PKHD1L1: variants seen among roughly 807,000 people sequenced by gnomAD.
The protein encoded by PKHD1L1 is PKHD1 like 1.
In PKHD1L1, 434 loss-of-function variants were observed where a neutral mutation model predicts 462.9. The observed-to-expected ratio is 0.94, with a 90% CI of 0.87 to 1.02. The LOEUF (loss-of-function observed/expected upper bound fraction) is 1.02, where lower values mean the gene tolerates loss of function less well. Among genes scored for constraint, PKHD1L1 ranks in the 50% least tolerant of loss-of-function variants. The pLI is 0.00. For synonymous variants in PKHD1L1, 1,781 were observed against 1,750.0 expected (o/e 1.02, Z -0.44); for missense variants, 5,202 against 5,096.1 (o/e 1.02, Z -0.63).
intron 2 of PKHD1L1, among the ~76,000 whole-genome samples, chr8:109,369,097 G>T (rs547937849): frequency 1.4e-4 from 22 of 152,008 alleles, no homozygotes; most frequent in Non-Finnish European, 7.4e-5. Flanking sequence ...TCCTGCCTCA[G>T]CCTCCCAAGT....
At chr8:109,491,244 A>G (rs1818810203) in intron 61 of PKHD1L1, 143 bp downstream of exon 61, 1 of 842,636 alleles carries the variant, frequency 1.2e-6, no homozygotes, top group Non-Finnish European at 1.7e-6. Flanking sequence ...GTAATTACTA[A>G]GTCATATGTG....
At chr8:109,508,559 A>G (rs1262156349) in intron 70 of PKHD1L1, among the ~76,000 whole-genome samples, 2 of 152,038 alleles carry the variant, frequency 1.3e-5, no homozygotes, top group African/African-American at 4.8e-5. Flanking sequence ...TGATCTTCAT[A>G]CTTTATTGAT....
rs145952732 is a variant in PKHD1L1 at position 109,448,073 on chromosome 8, G to T, written c.5777-70G>T. 3.1e-4 allele frequency: 406 copies of T among 1,298,580 alleles called. 5 individuals carry two copies. In the East Asian group the frequency reaches 8.9e-3, roughly 29 times the overall value. 80.4% of individuals were successfully genotyped at this position (1,298,580 alleles called of 1,614,324 possible). A position where few individuals can be genotyped will look rare whatever the true frequency, so the allele number is the denominator to read the frequency against. ...ATTCTTTTATTTGTAAAAGTAAAGA[G>T]GTATATCTTTAAATGGATGTGTATT... On this transcript the variant is annotated intron_variant, in intron 38 of 77. Transcript: ENST00000378402.
At chr8:109,407,969 A>G in intron 17 of PKHD1L1, 80 bp from the exon 18 acceptor site, 1 of 940,028 alleles carries the variant, frequency 1.1e-6, no homozygotes, top group Non-Finnish European at 1.4e-6. Context: ...TGTCTATTAA[A>G]TATATATAAA....
chr8:109,498,793 A>G, intron 67 of PKHD1L1, 22 bp downstream of exon 67: 1 of 1,524,630 alleles, frequency 6.6e-7, no homozygotes, highest in African/African-American at 1.4e-5. Context: ...GTCTTTTACA[A>G]ATCTTCTCAA....
intron 66 of PKHD1L1, 33 bp downstream of exon 66, chr8:109,498,606 A>G (rs1233373408): frequency 1.9e-6 from 3 of 1,608,748 alleles, no homozygotes; most frequent in East Asian, 4.5e-5. Context: ...GTTGTTGTTC[A>G]TATGAGTGCA....
rs1816691994 is a variant in PKHD1L1, at chr8:109,454,210, A to G, written c.6708A>G (p.Ala2236=). 1.2e-6 allele frequency: 2 copies of G among 1,608,752 alleles called. No homozygotes were observed. Among genetic ancestry groups the G allele is most frequent in the Non-Finnish European group, 1.7e-6 (2 of 1,177,286 alleles). Residue 2236 remains alanine (A), a synonymous_variant, in exon 44 of 78, where the codon GCA becomes GCG. Coordinates refer to ENST00000378402, the MANE Select transcript of PKHD1L1 (RefSeq NM_177531.6). The part of the protein sequence containing the change: ...IFDEADIELQ[A]ENILITDGGV... Reference sequence around the variant, plus strand: ...ATGAAGCTGACATTGAACTCCAGGCAGAAAATATTCTAATTACAGATGGAG... The same window carrying G: ...ATGAAGCTGACATTGAACTCCAGGCGGAAAATATTCTAATTACAGATGGAG...
intron 55 of PKHD1L1, 116 bp downstream of exon 55, chr8:109,480,255 T>C (rs978590725): frequency 9.1e-7 from 1 of 1,098,964 alleles, no homozygotes; most frequent in Admixed American, 3.0e-5. Flanking sequence ...CACAACTGGC[T>C]CTATCCCATT....
chr8:109,396,479 G>A (rs1362427981), intron 11 of PKHD1L1, among the ~76,000 whole-genome samples: 1 of 152,114 alleles, frequency 6.6e-6, no homozygotes. Context: ...TTTTTGAATG[G>A]TTGTTATTTC....
At position 109,475,174 on chromosome 8, in the gene PKHD1L1, G is replaced by T. The variant is rs1427204813; in HGVS notation, c.8662G>T (p.Ala2888Ser). Residue 2888 changes from alanine to serine, a missense_variant, in exon 51 of 78, where the codon GCT becomes TCT. Ala to Ser is a moderately conservative substitution (Grantham distance 99). Transcript: ENST00000378402. ...KRLTHMSGWM[A>S]LIPNANHINW... ...ACTGACTCATATGTCTGGATGGATG[G>T]CTCTGATTCCAAATGCAAATCACAT... 6.2e-7 allele frequency: 1 copy of T among 1,612,692 alleles called. No individual in the cohort carries two copies. Among genetic ancestry groups the T allele is most frequent in the African/African-American group, 1.3e-5 (1 of 74,986 alleles).
At position 109,400,070 on chromosome 8, in the gene PKHD1L1, A is replaced by C; in HGVS notation, c.1013-6A>C. The C allele has an allele frequency of 6.2e-7, 1 of 1,606,326 alleles. No homozygotes were observed. ...TGAAAGTCTTATTTTATTTCATTACACTTAGGAGGGAGAGGCCTGAAGCTT... is the reference window on the plus strand; with the variant it reads ...TGAAAGTCTTATTTTATTTCATTACCCTTAGGAGGGAGAGGCCTGAAGCTT... On this transcript the variant is annotated splice_region_variant and splice_polypyrimidine_tract_variant and intron_variant, in intron 12 of 77. Transcript: ENST00000378402.
At chr8:109,437,688 T>C (rs1335190262) in intron 30 of PKHD1L1, among the ~76,000 whole-genome samples, 5 of 152,040 alleles carry the variant, frequency 3.3e-5, no homozygotes, top group Non-Finnish European at 4.4e-5. Flanking sequence ...AATAAATTTG[T>C]TTTTTGGACC....
intron 46 of PKHD1L1, among the ~76,000 whole-genome samples, chr8:109,456,971 C>T (rs1816860053): frequency 6.6e-6 from 1 of 152,118 alleles, no homozygotes; most frequent in African/African-American, 2.4e-5. Context: ...ACCGAAACTA[C>T]TTATGACCCT....
chr8:109,404,697 T>C lies in PKHD1L1; in HGVS notation c.1517T>C (p.Ile506Thr), dbSNP rs1813441845. The C allele has an allele frequency of 1.9e-6, 3 of 1,604,160 alleles. No individual in the cohort carries two copies. Among genetic ancestry groups the C allele is most frequent in the Non-Finnish European group, 2.6e-6 (3 of 1,175,368 alleles). ...CAAGTTATCAAATCCCAGTCGACAA[T>C]CCTCCAGGAAGTACAGGTTTGCTAT... ...EEQVIKSQST[I>T]LQEVQVITLE... The change falls in exon 15 of 78, where the codon ATC (isoleucine) becomes ACC (threonine). Residue 506 changes from isoleucine (I) to threonine (T), a missense_variant. This residue lies in a region of PKHD1L1 where 4,497 missense variants were observed against 4,336.8 expected (regional missense o/e 1.04). Transcript: ENST00000378402.
chr8:109,475,956 C>G (rs1396042031), intron 51 of PKHD1L1, among the ~76,000 whole-genome samples: 2 of 151,752 alleles, frequency 1.3e-5, no homozygotes, highest in Non-Finnish European at 2.9e-5. Flanking sequence ...AAGTGGAAGC[C>G]TTCTGTATTA....
rs553366769 is a variant in PKHD1L1 at position 109,530,217 on chromosome 8, T to C, written c.*127T>C. On this transcript the variant is annotated 3_prime_UTR_variant, in exon 78 of 78. Transcript: ENST00000378402. ...AAAAATATTTTTATGATATATAAAA[T>C]GTACTAATTAGCTTTAAACACTAAA... 432 of 459,298 alleles carry C rather than the reference T, an allele frequency of 9.4e-4. 8 individuals carry two copies. The highest frequency in any genetic ancestry group is 5.3e-5 in the Non-Finnish European group (15 of 284,168). 28.5% of individuals were successfully genotyped at this position (459,298 alleles called of 1,614,324 possible).
intron 9 of PKHD1L1, among the ~76,000 whole-genome samples, chr8:109,391,183 A>G (rs1217986837): frequency 1.3e-5 from 2 of 152,198 alleles, no homozygotes; most frequent in African/African-American, 4.8e-5. Context: ...GAAGCTCCCA[A>G]GGATAAACCG....
intron 34 of PKHD1L1, 31 bp downstream of exon 34, chr8:109,441,410 G>A (rs1316241965): frequency 1.6e-6 from 2 of 1,227,364 alleles, no homozygotes; most frequent in East Asian, 2.5e-5. Context: ...ATGAAATAAT[G>A]GAAGCACTGA....
Position 109,398,709 on chromosome 8 carries a change from T to G in PKHD1L1, c.1012+161T>G, listed in dbSNP as rs538708099. On this transcript the variant is annotated intron_variant, in intron 12 of 77. Transcript: ENST00000378402. Reference sequence around the variant, plus strand: ...TTACATTTTCTGGATTAGAAAATATTTCTATTAAAATAGCTGCCACAAAGC... The same window carrying G: ...TTACATTTTCTGGATTAGAAAATATGTCTATTAAAATAGCTGCCACAAAGC... 2.9e-3 allele frequency among the ~76,000 whole-genome samples: 449 copies of G among 152,246 alleles called. 2 individuals are homozygous for G. The highest frequency in any genetic ancestry group is 4.7e-3 in the Non-Finnish European group (318 of 67,996).
Sources: allele counts gnomAD v4.1 joint callset (sites outside exome capture counted in the v4.1 genomes callset), GRCh38; gene constraint gnomAD v4.1.1; regional missense constraint gnomAD v4.1.1; transcripts MANE v1.5; gene names NCBI Gene and HGNC (gene_info 2026-07-23, HGNC 2026-07-21).